MAML2: variants seen among roughly 807,000 people sequenced by gnomAD.
The protein encoded by MAML2 is mastermind like transcriptional coactivator 2.
A neutral mutation model predicts 96.1 loss-of-function variants in MAML2; 22 were observed. That is an observed-to-expected ratio of 0.23 (90% confidence interval 0.16 to 0.33). The LOEUF (loss-of-function observed/expected upper bound fraction) is 0.33, where lower values mean the gene tolerates loss of function less well. MAML2 is among the 10% of genes least tolerant of loss of function. The pLI, the probability that MAML2 is intolerant of heterozygous loss-of-function variation, is 1.00. For synonymous variants in MAML2, 561 were observed against 521.3 expected (o/e 1.08, Z -1.04); for missense variants, 1,367 against 1,392.4 (o/e 0.98, Z 0.29).
chr11:96,136,746 C>A (rs139019963), intron 1 of MAML2, among the ~76,000 whole-genome samples: 1 of 152,268 alleles, frequency 6.6e-6, no homozygotes, highest in East Asian at 1.9e-4. Context: ...CATGAAAGCC[C>A]ACTTTTTGCT....
In MAML2 at chr11:96,108,753, C is replaced by G. The variant is rs1860069259; in HGVS notation, c.514-15236G>C. Among the ~76,000 whole-genome samples the G allele has an allele frequency of 1.3e-5, 2 of 152,124 alleles. 1 individual carries two copies. Among genetic ancestry groups the G allele is most frequent in the South Asian group, 4.1e-4 (2 of 4,826 alleles). ...ATAAGACTATAAAAGTGTAAGCAGGCTGGACACAATGGCTCGTACCTACAA... is the reference window on the plus strand; with the variant it reads ...ATAAGACTATAAAAGTGTAAGCAGGGTGGACACAATGGCTCGTACCTACAA... On this transcript the variant is annotated intron_variant, in intron 1 of 4. Transcript: ENST00000524717.
intron 1 of MAML2, among the ~76,000 whole-genome samples, chr11:96,109,394 A>ACTC (rs764921041): frequency 1.3e-5 from 2 of 152,300 alleles, no homozygotes; most frequent in East Asian, 3.9e-4. Flanking sequence ...TGGAAAAATA[A>ACTC]CTCTAACTAC....
At chr11:96,204,101 C>T (rs1861864042) in intron 1 of MAML2, among the ~76,000 whole-genome samples, 1 of 152,030 alleles carries the variant, frequency 6.6e-6, no homozygotes, top group Non-Finnish European at 1.5e-5. Context: ...GTTTCTGGAA[C>T]TGAGGAGAGA....
intron 1 of MAML2, among the ~76,000 whole-genome samples, chr11:96,249,326 C>CTTCT (rs1862552852): frequency 6.6e-6 from 1 of 152,134 alleles, no homozygotes. Flanking sequence ...TTTAGCTATA[C>CTTCT]TTCTGCTCCA....
chr11:96,213,264 G>A (rs1029061038), intron 1 of MAML2, among the ~76,000 whole-genome samples: 3 of 152,170 alleles, frequency 2.0e-5, no homozygotes, highest in Non-Finnish European at 4.4e-5. Context: ...AAAAATGTGA[G>A]GCTATGAGGG....
chr11:96,032,765 C>T (rs573599177), intron 2 of MAML2, among the ~76,000 whole-genome samples: 6 of 152,162 alleles, frequency 3.9e-5, no homozygotes, highest in East Asian at 3.9e-4. Flanking sequence ...CTCTCAAGTG[C>T]GCTATGCTAA....
chr11:96,280,571 T>C (rs1422952231), intron 1 of MAML2, among the ~76,000 whole-genome samples: 1 of 152,198 alleles, frequency 6.6e-6, no homozygotes, highest in Non-Finnish European at 1.5e-5. Context: ...TTGAAAGGGA[T>C]CTTAGAACTT....
At chr11:96,019,709 A>G (rs1272566801) in intron 2 of MAML2, among the ~76,000 whole-genome samples, 1 of 147,782 alleles carries the variant, frequency 6.8e-6, no homozygotes, top group Non-Finnish European at 1.5e-5. Context: ...TAATAATAAT[A>G]ATAATAATAA....
At chr11:96,070,944 T>C (rs1859336232) in intron 2 of MAML2, among the ~76,000 whole-genome samples, 1 of 152,250 alleles carries the variant, frequency 6.6e-6, no homozygotes, top group Non-Finnish European at 1.5e-5. Flanking sequence ...ATTGTGTATC[T>C]CTGTCTTCAC....
At position 96,092,871 on chromosome 11, in the gene MAML2, G is replaced by C. The variant is rs1026451018; in HGVS notation, c.1160C>G (p.Ala387Gly). The C allele has an allele frequency of 1.2e-6, 2 of 1,605,768 alleles. No individual in the cohort carries two copies. Among genetic ancestry groups the C allele is most frequent in the Admixed American group, 3.4e-5 (2 of 59,398 alleles). Reference protein sequence around the residue: ...SGSPQLRPPSAGPAFSMANSA... With the variant: ...SGSPQLRPPSGGPAFSMANSA... ...GTTGGCCATGGAGAATGCGGGGCCA[G>C]CTGATGGGGGCCTCAGCTGAGGAGA... The change falls in exon 2 of 5, where the codon GCT (alanine) becomes GGT (glycine). Residue 387 changes from alanine (A) to glycine (G), a missense_variant. Ala to Gly is a moderately conservative substitution (Grantham distance 60, BLOSUM62 0). Coordinates refer to ENST00000524717, the MANE Select transcript of MAML2 (RefSeq NM_032427.4). The surrounding 1 kb of genome is among the most constrained non-coding windows in gnomAD (Gnocchi z 4.1).
intron 1 of MAML2, among the ~76,000 whole-genome samples, chr11:96,310,996 G>C (rs1329012965): frequency 6.6e-6 from 1 of 152,126 alleles, no homozygotes; most frequent in African/African-American, 2.4e-5. Flanking sequence ...ACTATGTCTA[G>C]GCACCAAGCT....
At chr11:96,168,889 G>T (rs147663447) in intron 1 of MAML2, among the ~76,000 whole-genome samples, 1 of 152,294 alleles carries the variant, frequency 6.6e-6, no homozygotes, top group Non-Finnish European at 1.5e-5. Context: ...TAATCCACTT[G>T]GGTTATTTCA....
At chr11:96,034,454 A>AGTGTGT (rs1468615554) in intron 2 of MAML2, among the ~76,000 whole-genome samples, 42 of 128,080 alleles carry the variant, frequency 3.3e-4, no homozygotes, top group African/African-American at 1.2e-3. Flanking sequence ...AGAGAGAGAG[A>AGTGTGT]GAGTGTGTGT....
chr11:96,037,690 C>T (rs1208667061), intron 2 of MAML2, among the ~76,000 whole-genome samples: 2 of 152,218 alleles, frequency 1.3e-5, no homozygotes, highest in Non-Finnish European at 2.9e-5. Flanking sequence ...CAGCAATTGG[C>T]TGGATCTTTT....
intron 1 of MAML2, among the ~76,000 whole-genome samples, chr11:96,158,755 T>G (rs568506966): frequency 3.3e-5 from 5 of 152,290 alleles, no homozygotes; most frequent in African/African-American, 1.2e-4. Context: ...TTACAACAAG[T>G]ATTACCCAAA....
In MAML2 at chr11:95,979,604, T is replaced by C. The variant is rs762870580; in HGVS notation, c.2815A>G (p.Asn939Asp). Residue 939 changes from asparagine (N) to aspartate (D), a missense_variant, in exon 5 of 5, where the codon AAT becomes GAT. Asn to Asp is a conservative substitution (Grantham distance 23). Transcript: ENST00000524717. The stretch of plus-strand genomic sequence containing the variant: ...ATGCTTGCCATACTATGGGTTAAAT[T>C]TGGTCTCAATTGTTGTGAATTACCA... Reference protein sequence around the residue: ...SVGNSQQLRPNLTHSMASMPP... With the variant: ...SVGNSQQLRPDLTHSMASMPP... The C allele has an allele frequency of 1.2e-6, 2 of 1,613,872 alleles. No homozygotes were observed. Among genetic ancestry groups the C allele is most frequent in the Non-Finnish European group, 8.5e-7 (1 of 1,179,896 alleles).
chr11:96,267,930 G>C (rs1862853613), intron 1 of MAML2, among the ~76,000 whole-genome samples: 1 of 152,204 alleles, frequency 6.6e-6, no homozygotes, highest in African/African-American at 2.4e-5. Context: ...CAACTCAGCA[G>C]TTTCTTTTAT....
chr11:96,241,555 A>T (rs1234855528), intron 1 of MAML2, among the ~76,000 whole-genome samples: 1 of 152,350 alleles, frequency 6.6e-6, no homozygotes, highest in Admixed American at 6.5e-5. Flanking sequence ...GGACAGCCCC[A>T]TACAAAAAGG....
chr11:96,046,871 T>A (rs1396601304), intron 2 of MAML2, among the ~76,000 whole-genome samples: 1 of 152,192 alleles, frequency 6.6e-6, no homozygotes, highest in Non-Finnish European at 1.5e-5. Flanking sequence ...GAGGCTTTCC[T>A]TCAGAGGCCT....
Sources: allele counts gnomAD v4.1 joint callset (sites outside exome capture counted in the v4.1 genomes callset), GRCh38; gene constraint gnomAD v4.1.1; non-coding constraint Gnocchi (gnomAD v3.1); transcripts MANE v1.5; gene names NCBI Gene and HGNC (gene_info 2026-07-23, HGNC 2026-07-21).